The following IMMP2L variants were observed in gnomAD, a reference collection of about 807,000 sequenced individuals.
IMMP2L encodes inner mitochondrial membrane peptidase subunit 2, also known as mitochondrial inner membrane protease subunit 2.
Under a neutral mutation model 19.3 loss-of-function variants are expected in IMMP2L, and 18 were observed. The ratio of observed to expected loss-of-function variants is 0.93; its 90% CI spans 0.64 to 1.38. The LOEUF (loss-of-function observed/expected upper bound fraction) is 1.38. Among genes scored for constraint, IMMP2L ranks in the 40% most tolerant of loss-of-function variants. The pLI is 0.00. For missense variants in IMMP2L, 233 were observed against 218.2 expected, an observed-to-expected ratio of 1.07 and a Z score of -0.43; for synonymous variants, 76 against 73.0, an observed-to-expected ratio of 1.04 and a Z score of -0.21.
At chr7:111,487,208 A>G (rs1490578396) in intron 3 of IMMP2L, 30 bp downstream of exon 3, 1 of 980,466 alleles carries the variant, frequency 1.0e-6, no homozygotes, top group Non-Finnish European at 1.6e-6. Flanking sequence ...AATTTTATAT[A>G]CAAATATAGT....
intron 3 of IMMP2L, among the ~76,000 whole-genome samples, chr7:111,198,254 A>G (rs1562916040): frequency 6.6e-6 from 1 of 152,198 alleles, no homozygotes; most frequent in Non-Finnish European, 1.5e-5. Flanking sequence ...TGATGTGACA[A>G]TTCCTCTAAA....
intron 5 of IMMP2L, among the ~76,000 whole-genome samples, chr7:110,882,300 C>A (rs141380099): frequency 7.4e-4 from 70 of 94,704 alleles, no homozygotes; most frequent in African/African-American, 2.5e-3. Context: ...TTCCTTCCTT[C>A]CTTCCTTCCT....
chr7:111,543,216 A>ACAGTGAG, intron 1 of IMMP2L, among the ~76,000 whole-genome samples: 1 of 152,218 alleles, frequency 6.6e-6, no homozygotes, highest in Non-Finnish European at 1.5e-5. Context: ...CACATTTTTA[A>ACAGTGAG]ACCAAAACTG....
chr7:110,926,315 A>G (rs575212460), intron 4 of IMMP2L, among the ~76,000 whole-genome samples: 28 of 152,220 alleles, frequency 1.8e-4, no homozygotes, highest in Middle Eastern at 3.4e-3. Flanking sequence ...GTGACCATAT[A>G]ACAAGTTGTA....
chr7:111,073,219 T>C (rs1173629843), intron 3 of IMMP2L, among the ~76,000 whole-genome samples: 1 of 152,076 alleles, frequency 6.6e-6, no homozygotes, highest in Non-Finnish European at 1.5e-5. Flanking sequence ...TGAGTGTATA[T>C]ATACACATAA....
intron 3 of IMMP2L, among the ~76,000 whole-genome samples, chr7:111,463,887 G>C (rs1475413387): frequency 6.6e-6 from 1 of 152,120 alleles, no homozygotes; most frequent in Non-Finnish European, 1.5e-5. Context: ...TACATAATTT[G>C]TTTATCAAAA....
At chr7:110,938,307 G>C (rs1282441762) in intron 4 of IMMP2L, among the ~76,000 whole-genome samples, 2 of 152,110 alleles carry the variant, frequency 1.3e-5, no homozygotes, top group African/African-American at 4.8e-5. Context: ...ATGCCTCCTG[G>C]CTGAGAAATT....
At chr7:110,943,609 T>C (rs2129553270) in intron 4 of IMMP2L, among the ~76,000 whole-genome samples, 1 of 152,096 alleles carries the variant, frequency 6.6e-6, no homozygotes. Context: ...TTGATAGCTT[T>C]ATTCCCTGCA....
At chr7:110,981,137 A>G (rs145232418) in intron 3 of IMMP2L, among the ~76,000 whole-genome samples, 12 of 152,316 alleles carry the variant, frequency 7.9e-5, no homozygotes, top group African/African-American at 2.6e-4. Flanking sequence ...CCTTATTGCC[A>G]TATCTATAAC....
rs1484229556 is a variant in IMMP2L, at chr7:111,214,328, C to CTTTTTTTTTTTTTTTTTTTTTTTTTTTT, written c.240-250764_240-250763insAAAAAAAAAAAAAAAAAAAAAAAAAAAA. ...GTGAATGAATGACAAAGTAATTTTTCTTCTTTTTTTTTTTTTTTTTTTTTT... is the reference window on the plus strand; with the variant it reads ...GTGAATGAATGACAAAGTAATTTTTCTTTTTTTTTTTTTTTTTTTTTTTTTTTTTTCTTTTTTTTTTTTTTTTTTTTTT... On this transcript the variant is annotated intron_variant, in intron 3 of 5. Coordinates refer to ENST00000405709, the MANE Select transcript of IMMP2L (RefSeq NM_032549.4). Among the ~76,000 whole-genome samples, 7 of 85,110 alleles carry CTTTTTTTTTTTTTTTTTTTTTTTTTTTT rather than the reference C, an allele frequency of 8.2e-5. 3 individuals carry two copies. The highest frequency in any genetic ancestry group is 1.4e-4 in the Non-Finnish European group (6 of 44,320). The allele number at this position is 85,110 out of a possible 152,430, so 55.8% of individuals were successfully genotyped here.
intron 3 of IMMP2L, among the ~76,000 whole-genome samples, chr7:111,099,424 G>A (rs1475789264): frequency 1.3e-5 from 2 of 151,698 alleles, no homozygotes; most frequent in African/African-American, 4.8e-5. Flanking sequence ...AAAGTTAATT[G>A]ATGAAAGCTG....
At chr7:110,842,970 C>A (rs568749611) in intron 5 of IMMP2L, among the ~76,000 whole-genome samples, 1 of 151,990 alleles carries the variant, frequency 6.6e-6, no homozygotes, top group Non-Finnish European at 1.5e-5. Flanking sequence ...AGATTTAAAA[C>A]CACAGCTTAG....
rs571854628 is a variant in IMMP2L, at chr7:111,387,037, G to C, written c.239+100201C>G. Among the ~76,000 whole-genome samples the C allele has an allele frequency of 2.0e-5, 3 of 152,218 alleles. No homozygotes were observed. In the East Asian group the frequency reaches 5.8e-4, roughly 29 times the overall value. On this transcript the variant is annotated intron_variant, in intron 3 of 5. Transcript: ENST00000405709. ...ACATAGCACTTATTCAAAAATAGCA[G>C]AAGAATACTTCTATCTATCTGTTGT...
At chr7:111,126,806 C>G (rs1358642295) in intron 3 of IMMP2L, among the ~76,000 whole-genome samples, 1 of 152,148 alleles carries the variant, frequency 6.6e-6, no homozygotes, top group Non-Finnish European at 1.5e-5. Context: ...AATTGTTTAT[C>G]TCTCAAAGTT....
At chr7:110,941,292 C>T (rs1816709190) in intron 4 of IMMP2L, among the ~76,000 whole-genome samples, 1 of 152,168 alleles carries the variant, frequency 6.6e-6, no homozygotes, top group Admixed American at 6.6e-5. Context: ...TGCCATATAA[C>T]TTCTGTTGCT....
intron 3 of IMMP2L, among the ~76,000 whole-genome samples, chr7:111,022,829 C>T (rs1344774998): frequency 1.3e-5 from 2 of 152,154 alleles, no homozygotes; most frequent in African/African-American, 4.8e-5. Flanking sequence ...TTAAAAAAAT[C>T]CTAGAACTCT....
At chr7:111,104,805 G>C (rs978487515) in intron 3 of IMMP2L, among the ~76,000 whole-genome samples, 3 of 151,702 alleles carry the variant, frequency 2.0e-5, no homozygotes, top group African/African-American at 7.3e-5. Context: ...ACCCAGCCTC[G>C]CATCTCATTG....
intron 3 of IMMP2L, among the ~76,000 whole-genome samples, chr7:111,153,944 T>C (rs552087314): frequency 3.3e-5 from 5 of 152,212 alleles, no homozygotes; most frequent in East Asian, 1.9e-4. Flanking sequence ...CTAACACTTA[T>C]TCAAATTCCT....
At chr7:110,948,398 C>T (rs1401697913) in intron 4 of IMMP2L, among the ~76,000 whole-genome samples, 1 of 152,070 alleles carries the variant, frequency 6.6e-6, no homozygotes, top group African/African-American at 2.4e-5. Flanking sequence ...AATTAAATTG[C>T]TTTTTTAAAA....
Sources: allele counts gnomAD v4.1 joint callset (sites outside exome capture counted in the v4.1 genomes callset), GRCh38; gene constraint gnomAD v4.1.1; transcripts MANE v1.5; gene names NCBI Gene and HGNC (gene_info 2026-07-23, HGNC 2026-07-21).